LIPA: variants seen among roughly 807,000 people sequenced by gnomAD.
LIPA encodes the protein lipase A, lysosomal acid type, also known as lysosomal acid lipase/cholesteryl ester hydrolase.
A neutral mutation model predicts 40.6 loss-of-function variants in LIPA; 26 were observed. The ratio of observed to expected loss-of-function variants is 0.64; its 90% CI spans 0.47 to 0.89. The LOEUF (loss-of-function observed/expected upper bound fraction) is 0.89, where lower values mean the gene tolerates loss of function less well. LIPA is among the 40% of genes least tolerant of loss of function. LIPA has a pLI of 0.00. For synonymous variants in LIPA, 188 were observed against 168.4 expected (o/e 1.12, Z -0.90); for missense variants, 455 against 479.6 (o/e 0.95, Z 0.48).
rs557787519 is a variant in LIPA, at chr10:89,407,325, C to T, written c.61+5466G>A. 8.5e-5 allele frequency among the ~76,000 whole-genome samples: 13 copies of T among 152,300 alleles called. No homozygotes were observed. The South Asian group carries it at 1.7e-3, about 19-fold the overall frequency. On this transcript the variant is annotated intron_variant, in intron 2 of 8. Coordinates refer to the LIPA transcript ENST00000371837. The stretch of plus-strand genomic sequence containing the variant: ...TGCTTCTCTTCTCCGAGGCTAGTCC[C>T]GCTTCTAAAAACCACTCCCTGTCTC...
At chr10:89,394,719 T>C (rs1844316295) in intron 2 of LIPA, among the ~76,000 whole-genome samples, 1 of 151,410 alleles carries the variant, frequency 6.6e-6, no homozygotes, top group African/African-American at 2.4e-5. Context: ...TACTTTAAAG[T>C]ATACAATTTA....
intron 1 of LIPA, chr10:89,308,329 T>G (rs1335142022): frequency 6.6e-6 from 1 of 152,158 alleles, no homozygotes; most frequent in East Asian, 1.9e-4. Context: ...TTTTTTTTTT[T>G]TGTAAAATGA....
intron 2 of LIPA, among the ~76,000 whole-genome samples, chr10:89,391,595 T>C (rs988991263): frequency 6.6e-6 from 1 of 150,788 alleles, no homozygotes; most frequent in Non-Finnish European, 1.5e-5. Flanking sequence ...AGTGGTGTGA[T>C]CTCGGCTCAC....
chr10:89,241,456 C>T (rs996868284), intron 3 of LIPA, among the ~76,000 whole-genome samples: 5 of 152,184 alleles, frequency 3.3e-5, no homozygotes, highest in Non-Finnish European at 2.9e-5. Context: ...CCCGTTAGAG[C>T]ACTGCAGTGA....
At chr10:89,328,155 C>G (rs2133537761) in intron 1 of LIPA, 1 of 1,356,582 alleles carries the variant, frequency 7.4e-7, no homozygotes, top group African/African-American at 1.4e-5. Flanking sequence ...TGTGCAGGCA[C>G]ATTCCTGAAT....
At chr10:89,244,815 A>C (rs1843004478) in intron 3 of LIPA, among the ~76,000 whole-genome samples, 1 of 152,204 alleles carries the variant, frequency 6.6e-6, no homozygotes, top group South Asian at 2.1e-4. Flanking sequence ...ATATATTCAT[A>C]GTGATAGTAA....
intron 2 of LIPA, among the ~76,000 whole-genome samples, chr10:89,352,250 C>T (rs1480023334): frequency 1.3e-5 from 2 of 152,144 alleles, no homozygotes; most frequent in Admixed American, 1.3e-4. Context: ...AAATTGACCT[C>T]TATCTCCAGT....
intron 1 of LIPA, among the ~76,000 whole-genome samples, chr10:89,248,349 A>G (rs1843060966): frequency 6.9e-6 from 1 of 144,846 alleles, no homozygotes; most frequent in South Asian, 2.2e-4. Context: ...TTTAGTAGAG[A>G]CAGGGTTTCA....
chr10:89,310,007 A>C (rs996537394), intron 1 of LIPA, among the ~76,000 whole-genome samples: 2 of 152,236 alleles, frequency 1.3e-5, no homozygotes, highest in African/African-American at 4.8e-5. Flanking sequence ...ATGTAGCTTC[A>C]ACACCCATAT....
chr10:89,263,021 A>G (rs915995022), intron 1 of LIPA, among the ~76,000 whole-genome samples: 4 of 152,236 alleles, frequency 2.6e-5, no homozygotes, highest in Admixed American at 1.3e-4. Context: ...AGGCAACTAG[A>G]GATTCCATCA....
At chr10:89,306,745 AG>A in intron 1 of LIPA, 1 of 1,614,174 alleles carries the variant, frequency 6.2e-7, no homozygotes, top group East Asian at 2.2e-5. Context: ...AAGATGAGCC[AG>A]ACAAAGCGAT....
intron 2 of LIPA, among the ~76,000 whole-genome samples, chr10:89,367,553 C>CA (rs1844065101): frequency 6.6e-6 from 1 of 152,214 alleles, no homozygotes; most frequent in Non-Finnish European, 1.5e-5. Flanking sequence ...AGAAAATTTA[C>CA]TAGAAGTTAG....
upstream of LIPA, among the ~76,000 whole-genome samples, chr10:89,254,765 T>C (rs538531495): frequency 1.3e-4 from 20 of 152,360 alleles, no homozygotes; most frequent in Non-Finnish European, 2.2e-4. Flanking sequence ...CAAGTCACCA[T>C]TTCAATGTTT....
At position 89,225,130 on chromosome 10, in the gene LIPA, T is replaced by C. The variant is rs376139762; in HGVS notation, c.637A>G (p.Met213Val). 1.9e-6 allele frequency: 3 copies of C among 1,611,106 alleles called. No individual in the cohort carries two copies. The highest frequency in any genetic ancestry group is 3.3e-4 in the Middle Eastern group (2 of 6,076). ...VASVAFCTSPMAKLGRLPDHL... is the reference protein window; with the variant it reads ...VASVAFCTSPVAKLGRLPDHL... Reference sequence around the variant, plus strand: ...TCTGGTAATCGTCCTAATTTGGCCATAGGGCTAGTACAGAAGGCGACGGAA... The same window carrying C: ...TCTGGTAATCGTCCTAATTTGGCCACAGGGCTAGTACAGAAGGCGACGGAA... The change falls in exon 6 of 10, where the codon ATG (methionine) becomes GTG (valine). Residue 213 changes from methionine to valine, a missense_variant. Physicochemically the swap from Met to Val is conservative, Grantham distance 21. Coordinates refer to ENST00000336233, the MANE Select transcript of LIPA (RefSeq NM_000235.4).
intron 1 of LIPA, chr10:89,339,797 A>G: frequency 4.3e-6 from 7 of 1,614,208 alleles, no homozygotes; most frequent in Non-Finnish European, 5.1e-6. Context: ...GCTGTGCAAC[A>G]TGGTTTAGAG....
intron 1 of LIPA, among the ~76,000 whole-genome samples, chr10:89,259,044 G>A (rs182412149): frequency 6.6e-6 from 1 of 152,298 alleles, no homozygotes; most frequent in Non-Finnish European, 1.5e-5. Flanking sequence ...ATGATGGTGG[G>A]TTGATGGCTA....
intron 1 of LIPA, among the ~76,000 whole-genome samples, chr10:89,302,896 C>G (rs1843454432): frequency 6.6e-6 from 1 of 152,070 alleles, no homozygotes; most frequent in Admixed American, 6.6e-5. Flanking sequence ...TCCCGTGTTA[C>G]CAACCCCTGT....
intron 2 of LIPA, among the ~76,000 whole-genome samples, chr10:89,367,003 G>A (rs181130365): frequency 1.3e-5 from 2 of 152,132 alleles, no homozygotes; most frequent in Non-Finnish European, 2.9e-5. Context: ...CCATAAAAAA[G>A]GATGAGCTCA....
intron 1 of LIPA, among the ~76,000 whole-genome samples, chr10:89,265,579 T>G (rs1843231689): frequency 2.0e-5 from 3 of 152,366 alleles, no homozygotes; most frequent in Admixed American, 2.0e-4. Flanking sequence ...TTATTTTACT[T>G]TCCTTTTACA....
Sources: gnomAD v4.1 joint callset for allele counts (sites outside exome capture counted in the v4.1 genomes callset) on GRCh38, gnomAD v4.1.1 for gene constraint, MANE v1.5 for transcripts, NCBI Gene and HGNC (gene_info 2026-07-23, HGNC 2026-07-21) for gene names.